Variants in WFDC10B observed in about 807,000 individuals in gnomAD.
WFDC10B encodes protein WFDC10B.
Under a neutral mutation model 2.7 loss-of-function variants are expected in WFDC10B, and 1 was observed. The ratio of observed to expected loss-of-function variants is 0.38; its 90% CI spans 0.13 to 1.79. WFDC10B has a LOEUF of 1.79. WFDC10B is among the 40% of genes most tolerant of loss of function. The pLI is 0.33. For synonymous variants in WFDC10B, 26 were observed against 32.2 expected (o/e 0.81, Z 0.65); for missense variants, 71 against 87.8 (o/e 0.81, Z 0.76).
intron 2 of WFDC10B, among the ~76,000 whole-genome samples, chr20:45,697,425 C>T (rs993572067): frequency 3.8e-5 from 5 of 132,952 alleles, no homozygotes; most frequent in African/African-American, 1.4e-4. Flanking sequence ...GGCTCTGTCA[C>T]CCAGGCTGGA....
chr20:45,699,285 C>T (rs983253265), intron 2 of WFDC10B, among the ~76,000 whole-genome samples: 1 of 152,026 alleles, frequency 6.6e-6, no homozygotes, highest in Non-Finnish European at 1.5e-5. Flanking sequence ...AAATATTTAC[C>T]CAAATGAGTT....
At position 45,704,510 on chromosome 20, in the gene WFDC10B, A is replaced by G; in HGVS notation, c.-78T>C. The G allele has an allele frequency of 1.2e-6, 2 of 1,614,212 alleles. No homozygotes were observed. Among genetic ancestry groups the G allele is most frequent in the Non-Finnish European group, 1.7e-6 (2 of 1,180,030 alleles). On this transcript the variant is annotated 5_prime_UTR_variant, in exon 2 of 4. Transcript: ENST00000330523. ...AACTGTACTCACCTGTGTACAATGCAGGAAGATTGCGAGAAAGGATTTCAG... is the reference window on the plus strand; with the variant it reads ...AACTGTACTCACCTGTGTACAATGCGGGAAGATTGCGAGAAAGGATTTCAG...
chr20:45,691,179 G>T (rs1043560314), intron 2 of WFDC10B, among the ~76,000 whole-genome samples: 20 of 152,172 alleles, frequency 1.3e-4, no homozygotes, highest in African/African-American at 4.6e-4. Context: ...GTTCTAGTTT[G>T]ATTGCACTGT....
chr20:45,701,250 T>C (rs541598887), intron 2 of WFDC10B, among the ~76,000 whole-genome samples: 7 of 152,252 alleles, frequency 4.6e-5, no homozygotes, highest in African/African-American at 1.4e-4. Flanking sequence ...AATGACAGGT[T>C]CTGAGTCCTA....
In WFDC10B at chr20:45,686,713, A is replaced by T. The variant is rs146227936; in HGVS notation, c.-64-657T>A. ...AGAGTCTCACTCCACACCAGGCTGG[A>T]GTGCAATGGCGTGATCTTGGCTCAC... On this transcript the variant is annotated intron_variant, in intron 2 of 3. Transcript: ENST00000330523. 1.9e-3 allele frequency among the ~76,000 whole-genome samples: 281 copies of T among 151,298 alleles called. 2 individuals carry two copies. Among genetic ancestry groups the T allele is most frequent in the African/African-American group, 6.0e-3 (248 of 41,200 alleles).
chr20:45,692,296 A>C (rs1983838452), intron 2 of WFDC10B, among the ~76,000 whole-genome samples: 1 of 151,942 alleles, frequency 6.6e-6, no homozygotes, highest in Admixed American at 6.6e-5. Flanking sequence ...ACTTTGGTGA[A>C]TCTGACAATT....
intron 2 of WFDC10B, chr20:45,702,225 C>G (rs1307557935): frequency 4.4e-6 from 7 of 1,607,966 alleles, no homozygotes; most frequent in Non-Finnish European, 5.9e-6. Context: ...GGTGCTGGAT[C>G]TGGGCCCAAG....
At chr20:45,688,152 A>G (rs1320844688) in intron 2 of WFDC10B, among the ~76,000 whole-genome samples, 1 of 151,092 alleles carries the variant, frequency 6.6e-6, no homozygotes, top group African/African-American at 2.4e-5. Flanking sequence ...GCGATAGTTT[A>G]CTGAGAATGA....
Position 45,687,855 on chromosome 20 carries a change from TTTCTTTTA to T in WFDC10B, c.-64-1807_-64-1800del, listed in dbSNP as rs1230284659. Among the ~76,000 whole-genome samples the T allele has an allele frequency of 1.4e-4, 20 of 142,098 alleles. 1 individual carries two copies. Among genetic ancestry groups the T allele is most frequent in the African/African-American group, 5.3e-4 (20 of 37,800 alleles). 93.2% of individuals were successfully genotyped at this position (142,098 alleles called of 152,430 possible). The stretch of plus-strand genomic sequence containing the variant: ...CACTTTTTAATGGGATTGCTTGTCT[TTTCTTTTA>T]TTATTATTATTATTATTATTATTAT... On this transcript the variant is annotated intron_variant, in intron 2 of 3. Coordinates refer to ENST00000330523, the MANE Select transcript of WFDC10B (RefSeq NM_172006.2).
At chr20:45,700,575 T>C (rs1201723334) in intron 2 of WFDC10B, among the ~76,000 whole-genome samples, 1 of 152,204 alleles carries the variant, frequency 6.6e-6, no homozygotes, top group Non-Finnish European at 1.5e-5. Flanking sequence ...GATTAAAGGA[T>C]ATAAAAATGT....
rs372430539 is a variant in WFDC10B at position 45,703,555 on chromosome 20, A to T, written c.-65+942T>A. On this transcript the variant is annotated intron_variant, in intron 2 of 3. Transcript: ENST00000330523. ...GACTTTTGCCCCCAAAGAAAGGGAG[A>T]ATCACAAGGTACAAAAATTAGGACC... Among the ~76,000 whole-genome samples the T allele has an allele frequency of 3.3e-5, 5 of 152,268 alleles. No homozygotes were observed. In the South Asian group the frequency reaches 1.0e-3, roughly 32 times the overall value.
intron 2 of WFDC10B, among the ~76,000 whole-genome samples, chr20:45,692,713 A>G (rs1983852669): frequency 6.6e-6 from 1 of 152,064 alleles, no homozygotes; most frequent in African/African-American, 2.4e-5. Context: ...TGTATTGGTT[A>G]TTCTAGTTAT....
chr20:45,701,836 TA>T (rs141148058), intron 2 of WFDC10B, among the ~76,000 whole-genome samples: 1 of 150,808 alleles, frequency 6.6e-6, no homozygotes, highest in Non-Finnish European at 1.5e-5. Context: ...GGGAAAATTA[TA>T]AAAAAATGTT....
chr20:45,689,082 A>G (rs1983721945), intron 2 of WFDC10B, among the ~76,000 whole-genome samples: 1 of 148,528 alleles, frequency 6.7e-6, no homozygotes, highest in South Asian at 2.1e-4. Context: ...TCCCAGCACC[A>G]TTTATTAAAT....
intron 2 of WFDC10B, among the ~76,000 whole-genome samples, chr20:45,695,684 G>A (rs1370630135): frequency 3.3e-5 from 5 of 152,178 alleles, no homozygotes; most frequent in Admixed American, 6.5e-5. Context: ...AAATCACAAC[G>A]GAAATTAGAA....
In WFDC10B at chr20:45,704,587, C is replaced by T. The variant is rs770984791; in HGVS notation, c.-129-26G>A. On this transcript the variant is annotated intron_variant, in intron 1 of 3. Coordinates refer to ENST00000330523, the MANE Select transcript of WFDC10B (RefSeq NM_172006.2). ...CTGTTCATCAGAAACATTTCAAAAG[C>T]GCAACAGGTAAGAGATATCTCATAT... 45 of 1,613,862 alleles carry T rather than the reference C, an allele frequency of 2.8e-5. No individual in the cohort carries two copies. Among genetic ancestry groups the T allele is most frequent in the South Asian group, 1.1e-4 (10 of 91,064 alleles).
rs562617135 is a variant in WFDC10B at position 45,686,040 on chromosome 20, C to T, written c.-48G>A. ...CTAAGTCTGGCCAGGCAGTCACAGACTTCCCTGCAGAGCTGCCTGTGGAGA... is the reference window on the plus strand; with the variant it reads ...CTAAGTCTGGCCAGGCAGTCACAGATTTCCCTGCAGAGCTGCCTGTGGAGA... On this transcript the variant is annotated 5_prime_UTR_variant, in exon 3 of 4. Coordinates refer to ENST00000330523, the MANE Select transcript of WFDC10B (RefSeq NM_172006.2). 1.2e-6 allele frequency: 2 copies of T among 1,601,938 alleles called. No individual in the cohort carries two copies. The highest frequency in any genetic ancestry group is 2.3e-5 in the East Asian group (1 of 44,298).
At chr20:45,689,592 T>G (rs1236477968) in intron 2 of WFDC10B, among the ~76,000 whole-genome samples, 1 of 152,238 alleles carries the variant, frequency 6.6e-6, no homozygotes, top group African/African-American at 2.4e-5. Context: ...TATTTTATTC[T>G]CTTTGAAGCA....
chr20:45,693,221 G>A (rs1983872726), intron 2 of WFDC10B, among the ~76,000 whole-genome samples: 1 of 152,220 alleles, frequency 6.6e-6, no homozygotes, highest in African/African-American at 2.4e-5. Context: ...GCTGTGTGAG[G>A]TGTCAGTCTG....
Sources: allele counts gnomAD v4.1 joint callset (sites outside exome capture counted in the v4.1 genomes callset), GRCh38; gene constraint gnomAD v4.1.1; transcripts MANE v1.5; gene names NCBI Gene and HGNC (gene_info 2026-07-23, HGNC 2026-07-21).